Variants in RASEF observed in about 807,000 individuals in gnomAD.
RASEF encodes ras and EF-hand domain-containing protein.
RASEF carries 68 observed loss-of-function variants against 90.1 expected under a neutral mutation model. That is an observed-to-expected ratio of 0.75 (90% CI 0.62 to 0.92). The LOEUF (loss-of-function observed/expected upper bound fraction) is 0.92, where lower values mean the gene tolerates loss of function less well. RASEF is among the 40% of genes least tolerant of loss of function. The pLI, the probability that RASEF is intolerant of heterozygous loss-of-function variation, is 0.00. For missense variants in RASEF, 949 were observed against 937.2 expected (o/e 1.01, Z -0.16); for synonymous variants, 331 against 345.2 (o/e 0.96, Z 0.46).
the RASEF span, among the ~76,000 whole-genome samples, chr9:83,186,501 C>G: frequency 1.4e-3 from 218 of 152,306 alleles, 1 homozygote; most frequent in African/African-American, 4.9e-3. Flanking sequence ...AGCAAGCCCC[C>G]AGCCTCCTCC....
chr9:83,011,394 C>G (rs1345917277), intron 5 of RASEF, among the ~76,000 whole-genome samples: 1 of 151,396 alleles, frequency 6.6e-6, no homozygotes, highest in African/African-American at 2.4e-5. Context: ...TCTATTAAAA[C>G]TCAAAAATTT....
rs1377656232 is a variant in RASEF at position 83,062,675 on chromosome 9, G to A, written c.193C>T (p.Gln65Ter). Reference protein sequence around the residue: ...DADRDGAITFQEFARGFLGSL... With the variant: ...DADRDGAITF The stretch of plus-strand genomic sequence containing the variant: ...CCGAGGAAGCCACGCGCGAACTCCT[G>A]GAAGGTGATGGCGCCGTCACGGTCG... Residue 65 changes from glutamine (Q) to a stop codon, truncating the protein, a stop_gained, in exon 1 of 17, where the codon CAG (glutamine) becomes TAG (stop). Coordinates refer to ENST00000376447, the MANE Select transcript of RASEF (RefSeq NM_152573.4). LOFTEE classifies it high-confidence loss of function. 2 of 1,574,954 alleles carry A rather than the reference G, an allele frequency of 1.3e-6. No homozygotes were observed. The highest frequency in any genetic ancestry group is 2.3e-5 in the East Asian group (1 of 43,348).
chr9:83,072,232 G>A, the RASEF span, among the ~76,000 whole-genome samples: 1 of 151,896 alleles, frequency 6.6e-6, no homozygotes, highest in Non-Finnish European at 1.5e-5. Context: ...TATCCCACAG[G>A]ACCCCAACAC....
the RASEF span, among the ~76,000 whole-genome samples, chr9:83,194,625 A>T: frequency 6.6e-6 from 1 of 152,166 alleles, no homozygotes; most frequent in Non-Finnish European, 1.5e-5. Context: ...TCTTTATTGC[A>T]TACATTAACA....
At chr9:83,180,380 C>T in the RASEF span, among the ~76,000 whole-genome samples, 1 of 152,074 alleles carries the variant, frequency 6.6e-6, no homozygotes. Context: ...TTAAATTCAA[C>T]CAGGTCTCTA....
intron 2 of RASEF, among the ~76,000 whole-genome samples, chr9:83,025,098 G>GTTTTT (rs145873991): frequency 6.6e-6 from 1 of 152,042 alleles, no homozygotes; most frequent in African/African-American, 2.4e-5. Context: ...CATATAAATT[G>GTTTTT]TTTTTTTTGC....
chr9:83,030,356 CA>C (rs762391284), intron 1 of RASEF, among the ~76,000 whole-genome samples: 1,551 of 110,114 alleles, frequency 0.014, 14 homozygotes, highest in African/African-American at 0.033. Context: ...GACTCCGTCA[CA>C]AAAAAAAAAA....
the RASEF span, among the ~76,000 whole-genome samples, chr9:83,160,758 A>G: frequency 6.6e-6 from 1 of 152,294 alleles, no homozygotes; most frequent in South Asian, 2.1e-4. Flanking sequence ...CCAGAGGCCT[A>G]GGAAAAAATT....
chr9:83,057,854 T>TAA (rs971943978), intron 1 of RASEF, among the ~76,000 whole-genome samples: 47 of 136,604 alleles, frequency 3.4e-4, no homozygotes, highest in African/African-American at 1.4e-3. Context: ...TACATATATA[T>TAA]ATATATATAT....
chr9:83,213,666 A>G, the RASEF span, among the ~76,000 whole-genome samples: 1 of 152,160 alleles, frequency 6.6e-6, no homozygotes, highest in Non-Finnish European at 1.5e-5. Flanking sequence ...CAGGTGAGAG[A>G]ACAGTCTCCT....
At position 82,981,993 on chromosome 9, in the gene RASEF, G is replaced by GT. The variant is rs1324515998; in HGVS notation, c.*683dup. 3.3e-5 allele frequency: 5 copies of GT among 152,116 alleles called. No individual in the cohort carries two copies. The highest frequency in any genetic ancestry group is 1.2e-4 in the African/African-American group (5 of 41,422). The allele number at this position is 152,116 out of a possible 1,614,324, so 9.4% of individuals were successfully genotyped here. ...TTATACATAAAAAATAGATATTTCT[G>GT]TTTCCATTTTTTAATCAAATTCTGT... On this transcript the variant is annotated 3_prime_UTR_variant, in exon 17 of 17. Transcript: ENST00000376447.
At chr9:83,093,582 G>A in the RASEF span, among the ~76,000 whole-genome samples, 1 of 152,252 alleles carries the variant, frequency 6.6e-6, no homozygotes, top group East Asian at 1.9e-4. Flanking sequence ...GGCTGGCCGA[G>A]CCGGTCGGCT....
chr9:83,172,652 T>G, the RASEF span, among the ~76,000 whole-genome samples: 1,274 of 152,012 alleles, frequency 8.4e-3, 4 homozygotes, highest in Non-Finnish European at 0.013. Context: ...ACTTTAAAAA[T>G]GTACACTAAC....
chr9:82,991,975 T>C (rs1432953387), intron 15 of RASEF, among the ~76,000 whole-genome samples: 2 of 152,232 alleles, frequency 1.3e-5, no homozygotes, highest in Non-Finnish European at 2.9e-5. Context: ...AATGAAGTGT[T>C]TGTTACATGG....
the RASEF span, among the ~76,000 whole-genome samples, chr9:83,207,525 G>T: frequency 6.6e-6 from 1 of 151,864 alleles, no homozygotes. Flanking sequence ...GCAAGAGGGT[G>T]GCAACTTGAG....
chr9:83,052,999 G>A (rs1047778754), intron 1 of RASEF, among the ~76,000 whole-genome samples: 1 of 122,190 alleles, frequency 8.2e-6, no homozygotes, highest in Non-Finnish European at 1.6e-5. Context: ...GTGGTGTGGT[G>A]CTGAAAAAAA....
chr9:83,075,159 G>A, the RASEF span, among the ~76,000 whole-genome samples: 280 of 152,244 alleles, frequency 1.8e-3, 1 homozygote, highest in Middle Eastern at 0.01. Flanking sequence ...GAATCATGAT[G>A]TTTATTTTGT....
At chr9:83,058,970 T>C (rs1830152217) in intron 1 of RASEF, among the ~76,000 whole-genome samples, 1 of 152,012 alleles carries the variant, frequency 6.6e-6, no homozygotes, top group Non-Finnish European at 1.5e-5. Flanking sequence ...AGGTCACCCA[T>C]CACTATACCT....
chr9:82,999,436 T>C (rs1474793563), intron 12 of RASEF, among the ~76,000 whole-genome samples: 1 of 152,104 alleles, frequency 6.6e-6, no homozygotes, highest in Non-Finnish European at 1.5e-5. Context: ...TCCACTGGGA[T>C]GTAAGTGCAG....
Sources: allele counts gnomAD v4.1 joint callset (sites outside exome capture counted in the v4.1 genomes callset), GRCh38; gene constraint gnomAD v4.1.1; transcripts MANE v1.5; gene names NCBI Gene and HGNC (gene_info 2026-07-23, HGNC 2026-07-21).